PYY: variants seen among roughly 807,000 people sequenced by gnomAD.
PYY encodes the protein peptide tyrosine tyrosine.
A neutral mutation model predicts 10.3 loss-of-function variants in PYY; 12 were observed. The observed-to-expected ratio is 1.17, with a 90% CI of 0.75 to 1.89. The LOEUF (loss-of-function observed/expected upper bound fraction) is 1.89. Ranked by LOEUF, PYY falls within the 40% of genes most tolerant of loss-of-function variation. The pLI, the probability that PYY is intolerant of heterozygous loss-of-function variation, is 0.00. For missense variants in PYY, 141 were observed against 134.0 expected (o/e 1.05, Z -0.26); for synonymous variants, 66 against 62.0 (o/e 1.06, Z -0.30).
At chr17:43,989,258 C>T (rs946834379) in intron 1 of PYY, among the ~76,000 whole-genome samples, 7 of 151,966 alleles carry the variant, frequency 4.6e-5, no homozygotes, top group African/African-American at 1.4e-4. Flanking sequence ...CCTGTAGTCC[C>T]AGCTACTCGG....
chr17:43,992,838 G>A (rs1214078809), intron 1 of PYY, among the ~76,000 whole-genome samples: 1 of 152,166 alleles, frequency 6.6e-6, no homozygotes, highest in African/African-American at 2.4e-5. Context: ...AGATTGGAGT[G>A]ATGTAGCCAC....
At chr17:43,963,833 T>C (rs1327110996) in intron 2 of PYY, among the ~76,000 whole-genome samples, 1 of 150,816 alleles carries the variant, frequency 6.6e-6, no homozygotes, top group African/African-American at 2.4e-5. Context: ...AATTCTGATA[T>C]GGATGGTCAA....
rs188316722 is a variant in PYY at position 44,003,637 on chromosome 17, A to G, written c.-463+754T>C. ...AACACTGCACTCCAGCCTGGGCAAT[A>G]GGGTGGGACTCCATCTCAAACAAAC... is the stretch of plus-strand genomic sequence containing the variant. On this transcript the variant is annotated intron_variant, in intron 1 of 6. Transcript: ENST00000360085. Among the ~76,000 whole-genome samples the G allele has an allele frequency of 5.5e-5, 8 of 145,030 alleles. No individual in the cohort carries two copies. The East Asian group carries it at 1.4e-3, about 26-fold the overall frequency.
chr17:43,968,105 C>T (rs957271525), intron 1 of PYY, among the ~76,000 whole-genome samples: 1 of 152,094 alleles, frequency 6.6e-6, no homozygotes, highest in Non-Finnish European at 1.5e-5. Context: ...GAGTTGTGGG[C>T]CAGGGGCTGT....
chr17:43,995,130 T>C (rs1222502120), intron 1 of PYY, among the ~76,000 whole-genome samples: 1 of 152,192 alleles, frequency 6.6e-6, no homozygotes, highest in Non-Finnish European at 1.5e-5. Context: ...GTGGAATCCC[T>C]GTCCTCTATC....
chr17:43,990,331 C>T (rs1181672155), intron 1 of PYY, among the ~76,000 whole-genome samples: 5 of 150,428 alleles, frequency 3.3e-5, no homozygotes, highest in Non-Finnish European at 7.4e-5. Flanking sequence ...CTCAGCTACT[C>T]GGGAGGCTAA....
At chr17:43,984,331 C>T (rs1268227123) in intron 1 of PYY, among the ~76,000 whole-genome samples, 1 of 152,196 alleles carries the variant, frequency 6.6e-6, no homozygotes, top group Admixed American at 6.5e-5. Context: ...CACCTCTTGA[C>T]CTGGATTCAC....
intron 1 of PYY, among the ~76,000 whole-genome samples, chr17:43,970,045 A>G (rs1294141410): frequency 1.3e-5 from 2 of 151,692 alleles, no homozygotes; most frequent in African/African-American, 4.8e-5. Context: ...CCCAGCCAAA[A>G]GTTTTTTTAA....
chr17:43,996,261 G>A (rs1325923172), intron 1 of PYY, among the ~76,000 whole-genome samples: 2 of 152,168 alleles, frequency 1.3e-5, no homozygotes, highest in Non-Finnish European at 2.9e-5. Flanking sequence ...ACCACTCTGA[G>A]ACTACGTGGA....
chr17:43,979,548 A>G (rs1477958463), intron 1 of PYY, among the ~76,000 whole-genome samples: 3 of 152,052 alleles, frequency 2.0e-5, no homozygotes, highest in Non-Finnish European at 2.9e-5. Flanking sequence ...TGAAAAAAAA[A>G]AAAGCTGTAG....
At chr17:43,955,203 G>C (rs1231428518), upstream of PYY, among the ~76,000 whole-genome samples, 3 of 152,186 alleles carry the variant, frequency 2.0e-5, no homozygotes. Flanking sequence ...TGCCCAGGAG[G>C]AGAAAGGGCT....
At chr17:43,976,192 T>C (rs1339841585) in intron 1 of PYY, among the ~76,000 whole-genome samples, 1 of 144,626 alleles carries the variant, frequency 6.9e-6, no homozygotes, top group African/African-American at 2.6e-5. Context: ...TACGTATATG[T>C]ATACATATAT....
At chr17:43,985,715 C>T (rs1029810699) in intron 1 of PYY, among the ~76,000 whole-genome samples, 6 of 151,954 alleles carry the variant, frequency 3.9e-5, no homozygotes, top group Admixed American at 2.0e-4. Flanking sequence ...AGCACACACA[C>T]AAAATAGGAA....
intron 1 of PYY, among the ~76,000 whole-genome samples, chr17:43,978,233 G>A (rs1219716302): frequency 6.8e-6 from 1 of 147,214 alleles, no homozygotes; most frequent in East Asian, 2.0e-4. Context: ...GAGAAAGAAA[G>A]AAGAAAGGAA....
chr17:43,973,573 C>A (rs905211059), intron 1 of PYY, among the ~76,000 whole-genome samples: 2 of 152,166 alleles, frequency 1.3e-5, no homozygotes, highest in African/African-American at 4.8e-5. Flanking sequence ...GTGGGTGGAT[C>A]ACCTGAAGTC....
At chr17:43,967,261 C>T (rs1433316257) in intron 1 of PYY, among the ~76,000 whole-genome samples, 1 of 152,166 alleles carries the variant, frequency 6.6e-6, no homozygotes, top group Non-Finnish European at 1.5e-5. Flanking sequence ...TGAGATCACA[C>T]CACTGCACTC....
At chr17:43,995,294 G>A (rs2048983856) in intron 1 of PYY, among the ~76,000 whole-genome samples, 1 of 152,138 alleles carries the variant, frequency 6.6e-6, no homozygotes, top group Admixed American at 6.5e-5. Flanking sequence ...ATATTAAGTA[G>A]AACCCTATGA....
chr17:43,953,083 G>C, intron 3 of PYY, 26 bp downstream of exon 3: 1 of 1,612,816 alleles, frequency 6.2e-7, no homozygotes, highest in Non-Finnish European at 8.5e-7. Context: ...CTCGGATGCA[G>C]GATGTGTGGT....
intron 1 of PYY, among the ~76,000 whole-genome samples, chr17:43,969,076 C>A (rs2048772367): frequency 1.3e-5 from 2 of 152,082 alleles, no homozygotes; most frequent in Admixed American, 6.6e-5. Flanking sequence ...CCACTGCACT[C>A]CAGTCTGGGC....
Sources: allele counts gnomAD v4.1 joint callset (sites outside exome capture counted in the v4.1 genomes callset), GRCh38; gene constraint gnomAD v4.1.1; transcripts MANE v1.5; gene names NCBI Gene and HGNC (gene_info 2026-07-23, HGNC 2026-07-21).